The following NAP1L1 variants were observed in gnomAD, a reference collection of about 807,000 sequenced individuals.
NAP1L1 encodes the protein nucleosome assembly protein 1 like 1, also known as nucleosome assembly protein 1-like 1.
A neutral mutation model predicts 58.9 loss-of-function variants in NAP1L1; 9 were observed. The observed-to-expected ratio is 0.15, with a 90% CI of 0.09 to 0.27. The LOEUF is 0.27. NAP1L1 is among the 10% of genes least tolerant of loss of function. NAP1L1 has a pLI of 1.00. For synonymous variants in NAP1L1, 130 were observed against 138.3 expected (o/e 0.94, Z 0.42); for missense variants, 302 against 458.8 (o/e 0.66, Z 3.12).
At chr12:76,076,551 TATATATATATATATATATATATATATATA>T (rs1322993235) in intron 1 of NAP1L1, among the ~76,000 whole-genome samples, 1 of 4,884 alleles carries the variant, frequency 2.0e-4, no homozygotes, top group African/African-American at 6.9e-4. Flanking sequence ...GATATGGAAA[TATATATATATATATATATATATATATATA>T]TATATATATA....
At chr12:76,052,106 C>T (rs1360918153) in intron 11 of NAP1L1, among the ~76,000 whole-genome samples, 1 of 151,814 alleles carries the variant, frequency 6.6e-6, no homozygotes, top group Non-Finnish European at 1.5e-5. Context: ...ATGAGCACAC[C>T]CTCTGTGAAT....
chr12:76,049,631 A>T lies in NAP1L1; in HGVS notation c.1089+125T>A, dbSNP rs1340802840. On this transcript the variant is annotated intron_variant, in intron 13 of 14. Coordinates refer to ENST00000618691, the MANE Select transcript of NAP1L1 (RefSeq NM_004537.7). Reference sequence around the variant, plus strand: ...TGTTTGGCTGTAGAATTCTAAAATCATGTTTTCCAAAATGTTTTTATCCCA... The same window carrying T: ...TGTTTGGCTGTAGAATTCTAAAATCTTGTTTTCCAAAATGTTTTTATCCCA... 5.2e-6 allele frequency: 8 copies of T among 1,528,334 alleles called. No individual in the cohort carries two copies. In the Admixed American group the frequency reaches 5.6e-5, roughly 11 times the overall value. 94.7% of individuals were successfully genotyped at this position (1,528,334 alleles called of 1,614,324 possible). A position where few individuals can be genotyped will look rare whatever the true frequency, so the allele number is the denominator to read the frequency against.
At chr12:76,064,907 G>C (rs566552825) in intron 4 of NAP1L1, among the ~76,000 whole-genome samples, 5 of 152,136 alleles carry the variant, frequency 3.3e-5, no homozygotes, top group Admixed American at 2.6e-4. Flanking sequence ...GCTATCTTAT[G>C]CAAGTTGTTT....
At chr12:76,080,280 A>G (rs1448568596) in intron 1 of NAP1L1, among the ~76,000 whole-genome samples, 1 of 152,232 alleles carries the variant, frequency 6.6e-6, no homozygotes, top group Non-Finnish European at 1.5e-5. Flanking sequence ...GAGTCATATA[A>G]AAGTATGGCA....
chr12:76,060,809 A>AG (rs1279571480), intron 4 of NAP1L1, among the ~76,000 whole-genome samples: 2 of 152,210 alleles, frequency 1.3e-5, no homozygotes, highest in Admixed American at 6.5e-5. Flanking sequence ...TAACAGCTTT[A>AG]GGGCCAGGTG....
Position 76,053,128 on chromosome 12 carries a change from G to T in NAP1L1, c.917-18C>A, listed in dbSNP as rs1208397943. The T allele has an allele frequency of 1.9e-6, 3 of 1,612,136 alleles. No individual in the cohort carries two copies. Among genetic ancestry groups the T allele is most frequent in the South Asian group, 1.1e-5 (1 of 90,714 alleles). The stretch of plus-strand genomic sequence containing the variant: ...CTCAGGAACTGCAAAATTGAGAAAA[G>T]AAATTACAATGAATAAGAAGCTAAG... On this transcript the variant is annotated intron_variant, in intron 10 of 14. Transcript: ENST00000618691.
chr12:76,066,521 G>A (rs947607470), intron 4 of NAP1L1, among the ~76,000 whole-genome samples: 1 of 151,776 alleles, frequency 6.6e-6, no homozygotes, highest in Non-Finnish European at 1.5e-5. Flanking sequence ...GGGTACCAAT[G>A]GGCAACGAAA....
At chr12:76,057,981 C>A in intron 6 of NAP1L1, 4 of 902,916 alleles carry the variant, frequency 4.4e-6, no homozygotes, top group Middle Eastern at 2.3e-4. Flanking sequence ...ATTTTTTGCT[C>A]AAAAATTCTC....
intron 7 of NAP1L1, among the ~76,000 whole-genome samples, chr12:76,055,632 A>C (rs1168949159): frequency 3.3e-5 from 5 of 152,208 alleles, no homozygotes; most frequent in Non-Finnish European, 5.9e-5. Flanking sequence ...CAGAGAATGT[A>C]ACCATTGTGA....
intron 8 of NAP1L1, among the ~76,000 whole-genome samples, chr12:76,054,531 C>G (rs896471642): frequency 1.3e-5 from 2 of 152,200 alleles, no homozygotes; most frequent in African/African-American, 4.8e-5. Context: ...CCCTTACTCC[C>G]CAACTACTGG....
In NAP1L1 at chr12:76,047,554, G is replaced by A. The variant is rs1948641562; in HGVS notation, c.*875C>T. On this transcript the variant is annotated 3_prime_UTR_variant, in exon 15 of 15. Transcript: ENST00000618691. Reference sequence around the variant, plus strand: ...TCAAGGTAGGCCTCTACTTCTACCTGAATTGGTACAAAATTAAGACATTAT... The same window carrying A: ...TCAAGGTAGGCCTCTACTTCTACCTAAATTGGTACAAAATTAAGACATTAT... 4.6e-5 allele frequency: 7 copies of A among 151,140 alleles called. No homozygotes were observed. The South Asian group carries it at 1.5e-3, about 31-fold the overall frequency. 9.4% of individuals were successfully genotyped at this position (151,140 alleles called of 1,614,324 possible).
At chr12:76,049,026 C>A in intron 14 of NAP1L1, 174 bp downstream of exon 14, 1 of 572,856 alleles carries the variant, frequency 1.7e-6, no homozygotes, top group Non-Finnish European at 3.0e-6. Context: ...GAAAAACGTC[C>A]ACTGAAATTA....
intron 2 of NAP1L1, among the ~76,000 whole-genome samples, chr12:76,073,027 G>T (rs1410834842): frequency 6.6e-6 from 1 of 151,928 alleles, no homozygotes; most frequent in Non-Finnish European, 1.5e-5. Context: ...TGTCACCAAG[G>T]TTAAGCAATC....
rs918487201 is a variant in NAP1L1, at chr12:76,040,836, T to A, written c.*7593A>T. 7.9e-5 allele frequency: 12 copies of A among 152,416 alleles called. No homozygotes were observed. Among genetic ancestry groups the A allele is most frequent in the African/African-American group, 2.9e-4 (12 of 41,594 alleles). 9.4% of individuals were successfully genotyped at this position (152,416 alleles called of 1,614,324 possible). On this transcript the variant is annotated 3_prime_UTR_variant, in exon 15 of 15. Coordinates refer to ENST00000618691, the MANE Select transcript of NAP1L1 (RefSeq NM_004537.7). ...CCTCAGCCTCCCAAAGTGTTGGGATTACAGGCATGAGCCACCACACCTGGC... is the reference window on the plus strand; with the variant it reads ...CCTCAGCCTCCCAAAGTGTTGGGATAACAGGCATGAGCCACCACACCTGGC...
Position 76,040,946 on chromosome 12 carries a change from A to C in NAP1L1, c.*7483T>G, listed in dbSNP as rs1356659139. 2 of 152,232 alleles carry C rather than the reference A, an allele frequency of 1.3e-5. No individual in the cohort carries two copies. The highest frequency in any genetic ancestry group is 2.9e-5 in the Non-Finnish European group (2 of 68,042). 9.4% of individuals were successfully genotyped at this position (152,232 alleles called of 1,614,324 possible). The stretch of plus-strand genomic sequence containing the variant: ...CACATAACATACAAAGTGTGTGTTA[A>C]ATGACTTATTGGTAAAGTTTCCACA... On this transcript the variant is annotated 3_prime_UTR_variant, in exon 15 of 15. Transcript: ENST00000618691.
At chr12:76,057,545 C>G (rs907034238) in intron 6 of NAP1L1, 1 of 804,414 alleles carries the variant, frequency 1.2e-6, no homozygotes, top group African/African-American at 1.7e-5. Flanking sequence ...GAAATGGCTG[C>G]TGACGTTTCC....
At chr12:76,051,608 T>G (rs937985902) in intron 11 of NAP1L1, among the ~76,000 whole-genome samples, 2 of 152,156 alleles carry the variant, frequency 1.3e-5, no homozygotes, top group African/African-American at 4.8e-5. Flanking sequence ...CAAGTGATCC[T>G]TCCACCTCCG....
rs35120003 is a variant in NAP1L1 at position 76,068,735 on chromosome 12, TACACACACACACAC to T, written c.103+160_103+173del. 4.1e-3 allele frequency: 1,217 copies of T among 294,960 alleles called. 3 individuals are homozygous for T. The highest frequency in any genetic ancestry group is 5.2e-3 in the Middle Eastern group (6 of 1,154). The allele number at this position is 294,960 out of a possible 1,614,324, so 18.3% of individuals were successfully genotyped here. On this transcript the variant is annotated intron_variant, in intron 3 of 14. Coordinates refer to ENST00000618691, the MANE Select transcript of NAP1L1 (RefSeq NM_004537.7). Reference sequence around the variant, plus strand: ...GCTGTATCTATACCTACCCGCCCCTTACACACACACACACACACACACACACACACACACACACA... The same window carrying T: ...GCTGTATCTATACCTACCCGCCCCTTACACACACACACACACACACACACA...
rs1948518104 is a variant in NAP1L1, at chr12:76,038,370, G to C, written c.*10059C>G. ...TCCATTTAAGGAACTAAATTCCAAGGATATTTCCCTCTTTTGCTGTCATTT... is the reference window on the plus strand; with the variant it reads ...TCCATTTAAGGAACTAAATTCCAAGCATATTTCCCTCTTTTGCTGTCATTT... On this transcript the variant is annotated 3_prime_UTR_variant, in exon 15 of 15. Coordinates refer to ENST00000618691, the MANE Select transcript of NAP1L1 (RefSeq NM_004537.7). 1 of 152,082 alleles carries C rather than the reference G, an allele frequency of 6.6e-6. No individual in the cohort carries two copies. The highest frequency in any genetic ancestry group is 1.5e-5 in the Non-Finnish European group (1 of 68,028). The allele number at this position is 152,082 out of a possible 1,614,324, so 9.4% of individuals were successfully genotyped here. A position where few individuals can be genotyped will look rare whatever the true frequency, so the allele number is the denominator to read the frequency against.
Sources: gnomAD v4.1 joint callset for allele counts (sites outside exome capture counted in the v4.1 genomes callset) on GRCh38, gnomAD v4.1.1 for gene constraint, MANE v1.5 for transcripts, NCBI Gene and HGNC (gene_info 2026-07-23, HGNC 2026-07-21) for gene names.